SERINC5: variants seen among roughly 807,000 people sequenced by gnomAD.
SERINC5 encodes serine incorporator 5, also known as chromosome 5 open reading frame 12.
Under a neutral mutation model 63.1 loss-of-function variants are expected in SERINC5, and 41 were observed. The observed-to-expected ratio is 0.65, with a 90% CI of 0.51 to 0.84. The LOEUF (loss-of-function observed/expected upper bound fraction) is 0.84. Among genes scored for constraint, SERINC5 ranks in the 40% least tolerant of loss-of-function variants. SERINC5 has a pLI of 0.00. For missense variants in SERINC5, 523 were observed against 573.0 expected (o/e 0.91, Z 0.89); for synonymous variants, 222 against 215.2 (o/e 1.03, Z -0.28).
intron 1 of SERINC5, among the ~76,000 whole-genome samples, chr5:80,234,164 G>C (rs937095018): frequency 6.6e-6 from 1 of 152,104 alleles, no homozygotes; most frequent in African/African-American, 2.4e-5. Flanking sequence ...CTTAGCACCA[G>C]AGCAGTCATT....
At chr5:80,220,124 G>A (rs1280248087) in intron 1 of SERINC5, among the ~76,000 whole-genome samples, 1 of 151,910 alleles carries the variant, frequency 6.6e-6, no homozygotes. Flanking sequence ...CAGGAGAATC[G>A]CTTTAACTCA....
At chr5:80,174,565 C>G (rs1747899109) in intron 5 of SERINC5, among the ~76,000 whole-genome samples, 1 of 151,776 alleles carries the variant, frequency 6.6e-6, no homozygotes. Context: ...CTATTAAGAG[C>G]AATGAGCACA....
chr5:80,240,599 A>G (rs1751901934), intron 1 of SERINC5, among the ~76,000 whole-genome samples: 1 of 152,182 alleles, frequency 6.6e-6, no homozygotes, highest in Admixed American at 6.6e-5. Context: ...GCTCTAGTGT[A>G]GAGTATTTAC....
chr5:80,149,457 G>A (rs1746030217), intron 9 of SERINC5, among the ~76,000 whole-genome samples: 1 of 152,170 alleles, frequency 6.6e-6, no homozygotes, highest in East Asian at 1.9e-4. Flanking sequence ...CAGACACCCA[G>A]CTGCAGAGTA....
At chr5:80,200,755 G>A (rs557260743) in intron 2 of SERINC5, among the ~76,000 whole-genome samples, 1 of 152,100 alleles carries the variant, frequency 6.6e-6, no homozygotes, top group African/African-American at 2.4e-5. Flanking sequence ...ACAAAGTGCT[G>A]TTAAGAAAAT....
rs566877584 is a variant in SERINC5, at chr5:80,240,365, T to C, written c.27+15531A>G. 3.9e-5 allele frequency among the ~76,000 whole-genome samples: 6 copies of C among 152,320 alleles called. No individual in the cohort carries two copies. In the East Asian group the frequency reaches 1.2e-3, roughly 29 times the overall value. On this transcript the variant is annotated intron_variant, in intron 1 of 11. Coordinates refer to ENST00000507668, the MANE Select transcript of SERINC5 (RefSeq NM_001174072.3). ...AGACTTTTTCAAATAAAATGCCAAA[T>C]TTACCATAGTAGTTATGTATTTCTT... is the stretch of plus-strand genomic sequence containing the variant.
chr5:80,253,713 C>T (rs981979463), intron 1 of SERINC5, among the ~76,000 whole-genome samples: 1 of 152,186 alleles, frequency 6.6e-6, no homozygotes, highest in African/African-American at 2.4e-5. Context: ...CTCCTCAAGG[C>T]TGCTTACCAC....
chr5:80,136,776 G>A (rs1163362933), downstream of SERINC5, among the ~76,000 whole-genome samples: 1 of 152,144 alleles, frequency 6.6e-6, no homozygotes, highest in African/African-American at 2.4e-5. Context: ...CACTTAAAAA[G>A]TTGACAAAGC....
intron 1 of SERINC5, among the ~76,000 whole-genome samples, chr5:80,214,010 G>A (rs1353875764): frequency 6.6e-6 from 1 of 152,082 alleles, no homozygotes; most frequent in Non-Finnish European, 1.5e-5. Context: ...AATACATGTG[G>A]TTTAAGAGAA....
intron 1 of SERINC5, among the ~76,000 whole-genome samples, chr5:80,218,932 C>G (rs1017474346): frequency 6.6e-6 from 1 of 152,178 alleles, no homozygotes; most frequent in African/African-American, 2.4e-5. Flanking sequence ...AGTCTAGCAA[C>G]AAGGGCTCTG....
At chr5:80,232,527 T>C (rs1472663457) in intron 1 of SERINC5, among the ~76,000 whole-genome samples, 1 of 151,886 alleles carries the variant, frequency 6.6e-6, no homozygotes, top group Non-Finnish European at 1.5e-5. Context: ...GGCTCACGCC[T>C]GTAATCCCAG....
In SERINC5 at chr5:80,139,004, A is replaced by G. The variant is rs1418642451; in HGVS notation, c.*4659T>C. On this transcript the variant is annotated 3_prime_UTR_variant, in exon 12 of 12. Transcript: ENST00000507668. ...CTAGAAAAATTAACATTAAAAAACA[A>G]ATAGAAATCCATGACTAAAGGGGGA... 1 of 982,194 alleles carries G rather than the reference A, an allele frequency of 1.0e-6. No individual in the cohort carries two copies. The highest frequency in any genetic ancestry group is 1.2e-6 in the Non-Finnish European group (1 of 827,064). 60.8% of individuals were successfully genotyped at this position (982,194 alleles called of 1,614,324 possible). A position where few individuals can be genotyped will look rare whatever the true frequency, so the allele number is the denominator to read the frequency against.
rs148931254 is a variant in SERINC5 at position 80,214,302 on chromosome 5, C to CA, written c.28-11250dup. On this transcript the variant is annotated intron_variant, in intron 1 of 11. Coordinates refer to ENST00000507668, the MANE Select transcript of SERINC5 (RefSeq NM_001174072.3). ...ATATCAGTACATCAACAGTAGTAAACAGAGTTGTAGAATTATGAGTGACTA... is the reference window on the plus strand; with the variant it reads ...ATATCAGTACATCAACAGTAGTAAACAAGAGTTGTAGAATTATGAGTGACTA... Among the ~76,000 whole-genome samples, 983 of 152,148 alleles carry CA rather than the reference C, an allele frequency of 6.5e-3. 14 individuals are homozygous for CA. Among genetic ancestry groups the CA allele is most frequent in the African/African-American group, 0.023 (952 of 41,474 alleles).
intron 2 of SERINC5, among the ~76,000 whole-genome samples, chr5:80,193,223 T>G (rs1749306278): frequency 6.6e-6 from 1 of 152,248 alleles, no homozygotes; most frequent in Non-Finnish European, 1.5e-5. Context: ...AGTATCAAGA[T>G]TCAGCCATTC....
intron 8 of SERINC5, among the ~76,000 whole-genome samples, chr5:80,152,337 C>T (rs1746243678): frequency 6.6e-6 from 1 of 151,804 alleles, no homozygotes; most frequent in Non-Finnish European, 1.5e-5. Context: ...CCTGTCGCTA[C>T]AAAAAATACA....
At chr5:80,197,014 A>C (rs932553040) in intron 2 of SERINC5, among the ~76,000 whole-genome samples, 1 of 152,202 alleles carries the variant, frequency 6.6e-6, no homozygotes, top group Non-Finnish European at 1.5e-5. Flanking sequence ...CACTTAAAGG[A>C]ATGAAGTACA....
downstream of SERINC5, among the ~76,000 whole-genome samples, chr5:80,135,531 G>C (rs185298912): frequency 6.6e-6 from 1 of 152,222 alleles, no homozygotes; most frequent in East Asian, 1.9e-4. Flanking sequence ...CTACAATAGA[G>C]AATCCCTTTC....
intron 6 of SERINC5, among the ~76,000 whole-genome samples, chr5:80,167,400 A>C (rs988774065): frequency 6.6e-6 from 1 of 152,204 alleles, no homozygotes. Flanking sequence ...ACGTTCCTGC[A>C]AAGGACATGA....
At chr5:80,157,204 G>A (rs1746595955) in intron 8 of SERINC5, 1 of 152,012 alleles carries the variant, frequency 6.6e-6, no homozygotes, top group South Asian at 2.1e-4. Context: ...TGTTGGCCAG[G>A]CTGGTCTCAA....
Sources: allele counts gnomAD v4.1 joint callset (sites outside exome capture counted in the v4.1 genomes callset), GRCh38; gene constraint gnomAD v4.1.1; transcripts MANE v1.5; gene names NCBI Gene and HGNC (gene_info 2026-07-23, HGNC 2026-07-21).